MYO15A: variants seen among roughly 807,000 people sequenced by gnomAD.
The protein encoded by MYO15A is unconventional myosin-XV.
Under a neutral mutation model 394.6 loss-of-function variants are expected in MYO15A, and 308 were observed. That is an observed-to-expected ratio of 0.78 (90% CI 0.71 to 0.86). The LOEUF is 0.86. MYO15A is among the 40% of genes least tolerant of loss of function. The pLI is 0.00. For missense variants in MYO15A, 4,606 were observed against 4,799.1 expected (o/e 0.96, Z 1.19); for synonymous variants, 1,957 against 2,003.8 (o/e 0.98, Z 0.62).
chr17:18,151,086 A>G (rs753303350), intron 38 of MYO15A, 24 bp from the exon 39 acceptor site: 1 of 1,613,476 alleles, frequency 6.2e-7, no homozygotes, highest in South Asian at 1.1e-5. Flanking sequence ...CAGGCAGCCC[A>G]CCCTCACGTC....
intron 56 of MYO15A, chr17:18,160,749 A>G (rs1458946437): frequency 4.7e-6 from 1 of 211,948 alleles, no homozygotes; most frequent in African/African-American, 2.3e-5. Flanking sequence ...TATCCCTACA[A>G]ATGAAACCCT....
rs1414962822 is a variant in MYO15A at position 18,163,847 on chromosome 17, C to T, written c.9787+9C>T. On this transcript the variant is annotated intron_variant, in intron 60 of 65. Coordinates refer to ENST00000647165, the MANE Select transcript of MYO15A (RefSeq NM_016239.4). ...CGTTGTCACCAACCGTGGTGAGTGCCAGGAAGACTGAGCATGCTGGGCCCA... is the reference window on the plus strand; with the variant it reads ...CGTTGTCACCAACCGTGGTGAGTGCTAGGAAGACTGAGCATGCTGGGCCCA... The T allele has an allele frequency of 1.2e-6, 2 of 1,612,140 alleles. No individual in the cohort carries two copies. The highest frequency in any genetic ancestry group is 1.1e-5 in the South Asian group (1 of 90,696).
In MYO15A at chr17:18,153,377, C is replaced by T. The variant is rs574199865; in HGVS notation, c.7967-398C>T. On this transcript the variant is annotated intron_variant, in intron 42 of 65. Transcript: ENST00000647165. The surrounding 1 kb of genome is among the most constrained non-coding windows in gnomAD (Gnocchi z 4.1). ...CTGCTCCTGGGTCCCCTCCTCCACCCGCCCTGCCTCTCCCATTTCATCCTA... is the reference window on the plus strand; with the variant it reads ...CTGCTCCTGGGTCCCCTCCTCCACCTGCCCTGCCTCTCCCATTTCATCCTA... 21 of 154,044 alleles carry T rather than the reference C, an allele frequency of 1.4e-4. No homozygotes were observed. In the South Asian group the frequency reaches 3.5e-3, roughly 26 times the overall value. 9.5% of individuals were successfully genotyped at this position (154,044 alleles called of 1,614,324 possible). A position where few individuals can be genotyped will look rare whatever the true frequency, so the allele number is the denominator to read the frequency against.
chr17:18,121,886 C>T lies in MYO15A; in HGVS notation c.3086C>T (p.Pro1029Leu). The stretch of plus-strand genomic sequence containing the variant: ...CCCCAGCTGCCAGCAGAGACCAAGC[C>T]TCCAACCCCAGCACCTCCCAAGGAT... ...GDPQLPAETK[P>L]PTPAPPKDVT... Residue 1029 changes from proline (P) to leucine (L), a missense_variant, in exon 2 of 66, where the codon CCT becomes CTT. Transcript: ENST00000647165. The surrounding 1 kb of genome is among the most constrained non-coding windows in gnomAD (Gnocchi z 5.3). The T allele has an allele frequency of 6.2e-7, 1 of 1,613,120 alleles. No homozygotes were observed. Among genetic ancestry groups the T allele is most frequent in the Non-Finnish European group, 8.5e-7 (1 of 1,179,944 alleles).
intron 22 of MYO15A, 147 bp from the exon 23 acceptor site, chr17:18,141,506 C>A (rs1291003282): frequency 1.0e-5 from 8 of 802,780 alleles, no homozygotes; most frequent in Non-Finnish European, 1.7e-5. Flanking sequence ...GGATGGAGTG[C>A]CTTTTTTCAG....
At chr17:18,168,823 C>T (rs1368159409) in intron 62 of MYO15A, among the ~76,000 whole-genome samples, 1 of 151,888 alleles carries the variant, frequency 6.6e-6, no homozygotes, top group Non-Finnish European at 1.5e-5. Context: ...GGACCTTGGC[C>T]GGGCACCGTG....
intron 4 of MYO15A, 57 bp from the exon 5 acceptor site, chr17:18,126,290 G>C (rs2046038062): frequency 2.2e-6 from 3 of 1,381,918 alleles, no homozygotes; most frequent in Non-Finnish European, 3.1e-6. Context: ...ATAGGGGAGG[G>C]AGGGACATAG....
Position 18,157,237 on chromosome 17 carries a change from G to A in MYO15A, c.8788+7G>A, listed in dbSNP as rs1342140328. The A allele has an allele frequency of 1.9e-6, 3 of 1,600,136 alleles. No homozygotes were observed. The highest frequency in any genetic ancestry group is 1.3e-5 in the African/African-American group (1 of 74,500). ...CGTAGAGGCCCCGACTTTGGTGTGT[G>A]CCCCAGAACCTGGAACCCCATACGG... On this transcript the variant is annotated splice_region_variant and intron_variant, in intron 50 of 65. Transcript: ENST00000647165.
chr17:18,136,695 G>A lies in MYO15A; in HGVS notation c.4779+9G>A, dbSNP rs183256997. ...ACATCTATGGTTTCGAGGTGGGGCC[G>A]TGTAGGAGGCTGAGGGGCGGGGGAC... On this transcript the variant is annotated intron_variant, in intron 15 of 65. Coordinates refer to ENST00000647165, the MANE Select transcript of MYO15A (RefSeq NM_016239.4). 3.2e-3 allele frequency: 5,074 copies of A among 1,593,516 alleles called. 13 individuals carry two copies. The highest frequency in any genetic ancestry group is 4.0e-3 in the Middle Eastern group (24 of 6,046).
In MYO15A at chr17:18,120,793, G is replaced by A; in HGVS notation, c.1993G>A (p.Val665Met). The A allele has an allele frequency of 1.5e-6, 2 of 1,329,082 alleles. No homozygotes were observed. The highest frequency in any genetic ancestry group is 1.8e-5 in the South Asian group (1 of 56,712). 82.3% of individuals were successfully genotyped at this position (1,329,082 alleles called of 1,614,324 possible). The change falls in exon 2 of 66, where the codon GTG becomes ATG. Residue 665 changes from valine (V) to methionine (M), a missense_variant. Transcript: ENST00000647165. Reference sequence around the variant, plus strand: ...CTGGAGCGCGCTCCTGTCTCCGCCCGTGCCCCCGCGGCCCCCAAGCTCCGG... The same window carrying A: ...CTGGAGCGCGCTCCTGTCTCCGCCCATGCCCCCGCGGCCCCCAAGCTCCGG... Reference protein sequence around the residue: ...SHWSALLSPPVPPRPPSSGPP... With the variant: ...SHWSALLSPPMPPRPPSSGPP...
chr17:18,119,558 G>A lies in MYO15A; in HGVS notation c.758G>A (p.Arg253His). The A allele has an allele frequency of 5.0e-6, 8 of 1,607,044 alleles. No homozygotes were observed. The highest frequency in any genetic ancestry group is 6.8e-6 in the Non-Finnish European group (8 of 1,179,920). Residue 253 changes from arginine (R) to histidine (H), a missense_variant, in exon 2 of 66, where the codon CGC becomes CAC. Around this residue, in one of 2 missense-constraint regions of MYO15A, gnomAD observed 1,830 missense variants for 1,689.7 expected, o/e 1.08. Transcript: ENST00000647165. The stretch of plus-strand genomic sequence containing the variant: ...TACTACGACCGGCAGTCACTCCACC[G>A]CTACGAGGAGCAGGAACCCTACCTG... ...DDYYDRQSLH[R>H]YEEQEPYLAG...
chr17:18,136,738 T>C, intron 15 of MYO15A, 52 bp downstream of exon 15: 2 of 1,540,824 alleles, frequency 1.3e-6, no homozygotes, highest in Non-Finnish European at 1.7e-6. Flanking sequence ...AGGTCTCGCC[T>C]CCCTCAGGCG....
At position 18,119,438 on chromosome 17, in the gene MYO15A, C is replaced by T; in HGVS notation, c.638C>T (p.Pro213Leu). 5 of 1,612,556 alleles carry T rather than the reference C, an allele frequency of 3.1e-6. No homozygotes were observed. The highest frequency in any genetic ancestry group is 4.2e-6 in the Non-Finnish European group (5 of 1,179,984). ...LGFLPFEDEAPFHHSGSRKSL... is the reference protein window; with the variant it reads ...LGFLPFEDEALFHHSGSRKSL... ...TTCCTGCCCTTCGAGGACGAGGCCC[C>T]ATTCCATCACTCGGGCTCCCGCAAG... The change falls in exon 2 of 66, where the codon CCA becomes CTA. Residue 213 changes from proline to leucine, a missense_variant. Around this residue, in one of 2 missense-constraint regions of MYO15A, gnomAD observed 1,830 missense variants for 1,689.7 expected, o/e 1.08. Transcript: ENST00000647165.
In MYO15A at chr17:18,118,637, C is replaced by A; in HGVS notation, c.-164C>A. On this transcript the variant is annotated 5_prime_UTR_variant, in exon 2 of 66. Transcript: ENST00000647165. ...AATTATGGATCCGCCCTCCCGGAAT[C>A]CTGGCTCGGCCCTCCCCACGCCACC... 1 of 1,016,418 alleles carries A rather than the reference C, an allele frequency of 9.8e-7. No individual in the cohort carries two copies. The highest frequency in any genetic ancestry group is 1.4e-6 in the Non-Finnish European group (1 of 704,032). 63.0% of individuals were successfully genotyped at this position (1,016,418 alleles called of 1,614,324 possible).
intron 62 of MYO15A, 72 bp from the exon 63 acceptor site, chr17:18,171,566 C>G: frequency 6.2e-7 from 1 of 1,607,070 alleles, no homozygotes; most frequent in Non-Finnish European, 8.5e-7. Context: ...GCTCTGCATG[C>G]CTGCTGCACA....
Position 18,121,845 on chromosome 17 carries a change from G to A in MYO15A, c.3045G>A (p.Glu1015=). ...CAACCCCTGAGAAGCCTGAAGAAGAGGCCACCCTGGGGGACCCCCAGCTGC... is the reference window on the plus strand; with the variant it reads ...CAACCCCTGAGAAGCCTGAAGAAGAAGCCACCCTGGGGGACCCCCAGCTGC... ...AGPTPEKPEE[E]ATLGDPQLPA... is the part of the protein sequence containing the mutation. Residue 1015 remains glutamate (E), a synonymous_variant, in exon 2 of 66, where the codon GAG becomes GAA. Transcript: ENST00000647165. The surrounding 1 kb of genome is among the most constrained non-coding windows in gnomAD (Gnocchi z 5.3). 1 of 1,612,776 alleles carries A rather than the reference G, an allele frequency of 6.2e-7. No individual in the cohort carries two copies. The highest frequency in any genetic ancestry group is 8.5e-7 in the Non-Finnish European group (1 of 1,179,892).
intron 8 of MYO15A, 136 bp from the exon 9 acceptor site, chr17:18,131,103 G>A (rs2046153592): frequency 1.2e-6 from 1 of 800,614 alleles, no homozygotes; most frequent in African/African-American, 1.7e-5. Context: ...TCTCTAGGGA[G>A]CCCACCTCTG....
intron 19 of MYO15A, among the ~76,000 whole-genome samples, chr17:18,140,228 C>A (rs934653179): frequency 2.0e-5 from 3 of 152,214 alleles, no homozygotes; most frequent in African/African-American, 4.8e-5. Context: ...GAGTTCACAA[C>A]CATGTATCTA....
intron 60 of MYO15A, 97 bp from the exon 61 acceptor site, chr17:18,166,264 G>A (rs1597818962): frequency 6.6e-7 from 1 of 1,518,282 alleles, no homozygotes; most frequent in Admixed American, 1.7e-5. Context: ...TACCTCACCT[G>A]GGTAGCAGAT....
Sources: allele counts gnomAD v4.1 joint callset (sites outside exome capture counted in the v4.1 genomes callset), GRCh38; gene constraint gnomAD v4.1.1; regional missense constraint gnomAD v4.1.1; non-coding constraint Gnocchi (gnomAD v3.1); transcripts MANE v1.5; gene names NCBI Gene and HGNC (gene_info 2026-07-23, HGNC 2026-07-21).